NYAP2: variants seen among roughly 807,000 people sequenced by gnomAD.
NYAP2 encodes the protein neuronal tyrosine-phosphorylated phosphoinositide-3-kinase adaptor 2.
Under a neutral mutation model 50.4 loss-of-function variants are expected in NYAP2, and 23 were observed. That is an observed-to-expected ratio of 0.46 (90% CI 0.33 to 0.65). NYAP2 has a LOEUF of 0.65. NYAP2 is among the 30% of genes least tolerant of loss of function. NYAP2 has a pLI of 0.02. For missense variants in NYAP2, 885 were observed against 861.0 expected (o/e 1.03, Z -0.35); for synonymous variants, 394 against 365.2 (o/e 1.08, Z -0.90).
chr2:225,564,221 G>T (rs1691923388), intron 4 of NYAP2, among the ~76,000 whole-genome samples: 1 of 151,910 alleles, frequency 6.6e-6, no homozygotes, highest in African/African-American at 2.4e-5. Context: ...TCAGAGCCCT[G>T]TCTCTGAGAT....
At chr2:225,519,630 C>T (rs564257456) in intron 4 of NYAP2, among the ~76,000 whole-genome samples, 378 of 152,190 alleles carry the variant, frequency 2.5e-3, no homozygotes, top group African/African-American at 8.3e-3. Context: ...CATAGTATTC[C>T]GTGGTGTATA....
chr2:225,626,334 C>T (rs1444670409), intron 5 of NYAP2, among the ~76,000 whole-genome samples: 3 of 152,122 alleles, frequency 2.0e-5, no homozygotes, highest in Non-Finnish European at 2.9e-5. Context: ...TAAGCTAGCA[C>T]CTCGGGAACA....
At chr2:225,676,748 T>C in the NYAP2 span, among the ~76,000 whole-genome samples, 3 of 152,124 alleles carry the variant, frequency 2.0e-5, no homozygotes, top group Admixed American at 6.6e-5. Flanking sequence ...AGCCACAAGA[T>C]AAGATTTTGT....
chr2:225,481,706 C>G (rs1574636672), intron 3 of NYAP2, among the ~76,000 whole-genome samples: 1 of 152,056 alleles, frequency 6.6e-6, no homozygotes, highest in Non-Finnish European at 1.5e-5. Context: ...ATATTGAAAG[C>G]CACAAATGCA....
At chr2:225,646,897 T>A (rs1242225801) in intron 6 of NYAP2, among the ~76,000 whole-genome samples, 1 of 152,122 alleles carries the variant, frequency 6.6e-6, no homozygotes, top group African/African-American at 2.4e-5. Flanking sequence ...CGTTTCCAGG[T>A]CACGGTGACA....
chr2:225,451,808 T>G (rs1689658171), intron 3 of NYAP2, among the ~76,000 whole-genome samples: 1 of 152,224 alleles, frequency 6.6e-6, no homozygotes, highest in African/African-American at 2.4e-5. Context: ...ATTTGTACAT[T>G]CATTCAACAA....
At chr2:225,492,418 T>G (rs2106171790) in intron 3 of NYAP2, among the ~76,000 whole-genome samples, 1 of 152,320 alleles carries the variant, frequency 6.6e-6, no homozygotes, top group East Asian at 1.9e-4. Context: ...GGCTGGTTAG[T>G]TAAACTCCTT....
At chr2:225,567,616 G>A (rs966996444) in intron 4 of NYAP2, among the ~76,000 whole-genome samples, 8 of 152,072 alleles carry the variant, frequency 5.3e-5, no homozygotes, top group Non-Finnish European at 1.0e-4. Context: ...GAGGGGCAGA[G>A]GGTGGGGCAA....
intron 3 of NYAP2, among the ~76,000 whole-genome samples, chr2:225,496,638 T>G (rs1237238755): frequency 6.6e-6 from 1 of 152,190 alleles, no homozygotes; most frequent in Non-Finnish European, 1.5e-5. Flanking sequence ...TTAATTGTCC[T>G]CCTTAAGTTG....
chr2:225,430,235 GTT>G lies in NYAP2; in HGVS notation c.221+21138_221+21139del, dbSNP rs575252754. Among the ~76,000 whole-genome samples, 606 of 152,198 alleles carry G rather than the reference GTT, an allele frequency of 4.0e-3. 2 individuals carry two copies. The highest frequency in any genetic ancestry group is 6.8e-3 in the Non-Finnish European group (464 of 68,000). On this transcript the variant is annotated intron_variant, in intron 3 of 6. Transcript: ENST00000636099. The stretch of plus-strand genomic sequence containing the variant: ...GAACTCACCATGACTGGATAAAAAT[GTT>G]TTTCGATGTCCAGGACCTTATTAAT...
chr2:225,669,751 T>C, the NYAP2 span, among the ~76,000 whole-genome samples: 2 of 152,176 alleles, frequency 1.3e-5, no homozygotes. Flanking sequence ...AGCATTCAGT[T>C]CAGTAGTAGA....
chr2:225,590,354 C>T (rs1217162419), intron 5 of NYAP2, among the ~76,000 whole-genome samples: 5 of 152,154 alleles, frequency 3.3e-5, no homozygotes, highest in Non-Finnish European at 7.3e-5. Context: ...AGAAGTTTCT[C>T]GTGTAGTTCA....
At chr2:225,613,868 AG>A (rs1383124135) in intron 5 of NYAP2, among the ~76,000 whole-genome samples, 8 of 152,196 alleles carry the variant, frequency 5.3e-5, no homozygotes, top group Non-Finnish European at 1.2e-4. Context: ...AACTATATGT[AG>A]TTTAATTTAA....
At chr2:225,566,189 A>T (rs1365327706) in intron 4 of NYAP2, among the ~76,000 whole-genome samples, 2 of 152,196 alleles carry the variant, frequency 1.3e-5, no homozygotes, top group African/African-American at 4.8e-5. Context: ...AGTGGCTATT[A>T]TTATGCATTA....
At chr2:225,573,759 G>A (rs76985141) in intron 4 of NYAP2, among the ~76,000 whole-genome samples, 102 of 152,162 alleles carry the variant, frequency 6.7e-4, no homozygotes, top group African/African-American at 2.3e-3. Context: ...GAACTTCTTC[G>A]TAACATGTTG....
the NYAP2 span, among the ~76,000 whole-genome samples, chr2:225,686,516 A>T: frequency 1.3e-5 from 2 of 152,320 alleles, no homozygotes; most frequent in South Asian, 4.1e-4. Flanking sequence ...TTACAGAAGC[A>T]TAAATATGTA....
rs1343793979 is a variant in NYAP2, at chr2:225,600,930, C to G, written c.1618+17895C>G. On this transcript the variant is annotated intron_variant, in intron 5 of 6. Coordinates refer to ENST00000636099, the Ensembl canonical transcript of NYAP2. Reference sequence around the variant, plus strand: ...AATAATATTCTGTTTTAGGGATATACCACATTGCATTTATTCATACATCCA... The same window carrying G: ...AATAATATTCTGTTTTAGGGATATAGCACATTGCATTTATTCATACATCCA... Among the ~76,000 whole-genome samples, 5 of 152,222 alleles carry G rather than the reference C, an allele frequency of 3.3e-5. No individual in the cohort carries two copies. The East Asian group carries it at 9.7e-4, about 29-fold the overall frequency.
the NYAP2 span, among the ~76,000 whole-genome samples, chr2:225,684,036 G>T: frequency 6.6e-6 from 1 of 152,262 alleles, no homozygotes; most frequent in South Asian, 2.1e-4. Flanking sequence ...GGGAGTAAGT[G>T]TTGGTTTGGA....
intron 4 of NYAP2, among the ~76,000 whole-genome samples, chr2:225,560,184 AC>A (rs765970471): frequency 3.3e-5 from 5 of 152,092 alleles, no homozygotes; most frequent in Non-Finnish European, 7.4e-5. Flanking sequence ...ATAGACACTT[AC>A]TTTACAAAAA....
Sources: allele counts gnomAD v4.1 joint callset (sites outside exome capture counted in the v4.1 genomes callset), GRCh38; gene constraint gnomAD v4.1.1; transcripts MANE v1.5; gene names NCBI Gene and HGNC (gene_info 2026-07-23, HGNC 2026-07-21).